The following PDK1 variants were observed in gnomAD, a reference collection of about 807,000 sequenced individuals.
PDK1 encodes the protein [Pyruvate dehydrogenase (acetyl-transferring)] kinase isozyme 1, mitochondrial.
A neutral mutation model predicts 54.2 loss-of-function variants in PDK1; 39 were observed. The observed-to-expected ratio is 0.72, with a 90% CI of 0.56 to 0.94. The LOEUF is 0.94. Ranked by LOEUF, PDK1 falls within the 40% of genes least tolerant of loss-of-function variation. The pLI is 0.00. For synonymous variants in PDK1, 221 were observed against 207.1 expected (o/e 1.07, Z -0.58); for missense variants, 552 against 566.0 (o/e 0.98, Z 0.25).
chr2:172,570,929 TCA>T, intron 8 of PDK1, 105 bp downstream of exon 8: 4 of 648,798 alleles, frequency 6.2e-6, no homozygotes, highest in South Asian at 5.9e-5. Context: ...TAATCTACTC[TCA>T]GGGGAAAAGA....
At chr2:172,578,146 T>C (rs1386072855) in intron 8 of PDK1, among the ~76,000 whole-genome samples, 2 of 152,208 alleles carry the variant, frequency 1.3e-5, no homozygotes, top group African/African-American at 2.4e-5. Context: ...GAATATGTTA[T>C]CTCACTGCCT....
intron 4 of PDK1, 133 bp downstream of exon 4, chr2:172,564,820 C>G (rs1202398233): frequency 1.1e-6 from 1 of 874,950 alleles, no homozygotes; most frequent in African/African-American, 1.7e-5. Context: ...AATAAATAGA[C>G]TGCCATCAAG....
chr2:172,611,753 A>G (rs1691468969), downstream of PDK1, among the ~76,000 whole-genome samples: 1 of 152,262 alleles, frequency 6.6e-6, no homozygotes, highest in South Asian at 2.1e-4. Context: ...TCAAAAATCA[A>G]TTAGTGTAAT....
At chr2:172,679,130 C>T in the PDK1 span, 2 of 152,170 alleles carry the variant, frequency 1.3e-5, no homozygotes, top group African/African-American at 4.8e-5. Context: ...TAGTTTGAAA[C>T]TTCCCTAAAT....
the PDK1 span, among the ~76,000 whole-genome samples, chr2:172,636,966 A>C: frequency 6.0e-4 from 92 of 152,350 alleles, no homozygotes; most frequent in African/African-American, 2.1e-3. Flanking sequence ...ACCAAAGGGT[A>C]AACAGTAAGT....
intron 8 of PDK1, among the ~76,000 whole-genome samples, chr2:172,583,481 A>G (rs1690036483): frequency 1.3e-5 from 2 of 151,466 alleles, no homozygotes; most frequent in East Asian, 1.9e-4. Context: ...TTTAGTAGAG[A>G]CAGGGTTTTG....
intron 9 of PDK1, among the ~76,000 whole-genome samples, chr2:172,587,362 G>A (rs1215179273): frequency 6.6e-6 from 1 of 151,752 alleles, no homozygotes. Flanking sequence ...CAGGGCGTCT[G>A]GAGTTGTTTG....
chr2:172,702,604 C>CTT, the PDK1 span, among the ~76,000 whole-genome samples: 152 of 139,766 alleles, frequency 1.1e-3, 1 homozygote, highest in Middle Eastern at 0.019. Context: ...TCCTAACTGC[C>CTT]TTTTTTTTTT....
At chr2:172,592,766 A>G (rs1690673200) in intron 9 of PDK1, among the ~76,000 whole-genome samples, 169 bp from the exon 10 acceptor site, 1 of 152,300 alleles carries the variant, frequency 6.6e-6, no homozygotes, top group Non-Finnish European at 1.5e-5. Flanking sequence ...ACTCAAGTAA[A>G]CCTCAGCTTA....
At chr2:172,587,272 C>T (rs1690286696) in intron 9 of PDK1, among the ~76,000 whole-genome samples, 1 of 152,140 alleles carries the variant, frequency 6.6e-6, no homozygotes, top group South Asian at 2.1e-4. Flanking sequence ...GGAGTTTCTT[C>T]CTCCCGGTGA....
chr2:172,680,959 A>G, the PDK1 span, among the ~76,000 whole-genome samples: 5 of 152,202 alleles, frequency 3.3e-5, no homozygotes, highest in Admixed American at 3.3e-4. Flanking sequence ...TCCTTAGCCT[A>G]TGAAGCAACT....
the PDK1 span, among the ~76,000 whole-genome samples, chr2:172,683,837 T>C: frequency 2.6e-5 from 4 of 151,914 alleles, no homozygotes; most frequent in African/African-American, 9.7e-5. Flanking sequence ...ACCAAGCGAG[T>C]GGTGTGCTGG....
intron 9 of PDK1, among the ~76,000 whole-genome samples, chr2:172,587,915 G>A (rs1690350073): frequency 6.6e-6 from 1 of 152,040 alleles, no homozygotes; most frequent in South Asian, 2.1e-4. Context: ...GCCAATTGGT[G>A]CATTTACAAT....
chr2:172,639,673 T>C, the PDK1 span, among the ~76,000 whole-genome samples: 3 of 152,204 alleles, frequency 2.0e-5, no homozygotes, highest in Admixed American at 6.5e-5. Flanking sequence ...AAAACTCATT[T>C]TGAGGCTTGG....
chr2:172,689,229 C>T, the PDK1 span, among the ~76,000 whole-genome samples: 1 of 152,196 alleles, frequency 6.6e-6, no homozygotes, highest in African/African-American at 2.4e-5. Flanking sequence ...AGCTACAGAG[C>T]ACCGATTGGT....
chr2:172,586,167 A>G, intron 8 of PDK1, 111 bp from the exon 9 acceptor site: 1 of 583,548 alleles, frequency 1.7e-6, no homozygotes, highest in Non-Finnish European at 3.0e-6. Flanking sequence ...TCAAAAAAAA[A>G]AAAAAAAAGC....
chr2:172,684,960 C>T, the PDK1 span, among the ~76,000 whole-genome samples: 1 of 152,144 alleles, frequency 6.6e-6, no homozygotes, highest in South Asian at 2.1e-4. Flanking sequence ...TTCCCTCATG[C>T]TGTTCTTGTG....
At chr2:172,661,109 G>T in the PDK1 span, among the ~76,000 whole-genome samples, 1 of 152,150 alleles carries the variant, frequency 6.6e-6, no homozygotes. Flanking sequence ...CATTTCATCA[G>T]GAATGTTCAT....
At chr2:172,678,864 G>A in the PDK1 span, 1 of 152,186 alleles carries the variant, frequency 6.6e-6, no homozygotes, top group African/African-American at 2.4e-5. Flanking sequence ...CCAAGTACAG[G>A]TGTAATGGCT....
Sources: gnomAD v4.1 joint callset for allele counts (sites outside exome capture counted in the v4.1 genomes callset) on GRCh38, gnomAD v4.1.1 for gene constraint, MANE v1.5 for transcripts, NCBI Gene and HGNC (gene_info 2026-07-23, HGNC 2026-07-21) for gene names.